The following COMMD10 variants were observed in gnomAD, a reference collection of about 807,000 sequenced individuals.
COMMD10 encodes the protein COMM domain containing 10.
COMMD10 carries 33 observed loss-of-function variants against 28.9 expected under a neutral mutation model. The observed-to-expected ratio is 1.14, with a 90% CI of 0.87 to 1.53. The LOEUF (loss-of-function observed/expected upper bound fraction) is 1.53, where lower values mean the gene tolerates loss of function less well. Among genes scored for constraint, COMMD10 ranks in the 40% most tolerant of loss-of-function variants. The pLI is 0.00. For synonymous variants in COMMD10, 110 were observed against 81.7 expected, an observed-to-expected ratio of 1.35 and a Z score of -1.87; for missense variants, 310 against 233.4, an observed-to-expected ratio of 1.33 and a Z score of -2.14.
intron 5 of COMMD10, among the ~76,000 whole-genome samples, chr5:116,225,902 C>T (rs1749383342): frequency 6.6e-6 from 1 of 151,716 alleles, no homozygotes; most frequent in African/African-American, 2.4e-5. Flanking sequence ...ATTTGTGTAG[C>T]TTGTGCTCTG....
chr5:116,154,052 T>G (rs533349655), intron 5 of COMMD10, among the ~76,000 whole-genome samples: 45 of 152,204 alleles, frequency 3.0e-4, no homozygotes, highest in African/African-American at 1.0e-3. Flanking sequence ...GAGATACTGA[T>G]TGACTTCATA....
At chr5:116,165,643 C>T (rs539667249) in intron 5 of COMMD10, among the ~76,000 whole-genome samples, 3 of 151,818 alleles carry the variant, frequency 2.0e-5, no homozygotes, top group African/African-American at 7.3e-5. Flanking sequence ...CACACACACG[C>T]GTGTGCACAG....
At chr5:116,190,815 A>G (rs1399701974) in intron 5 of COMMD10, among the ~76,000 whole-genome samples, 3 of 152,242 alleles carry the variant, frequency 2.0e-5, no homozygotes, top group East Asian at 3.8e-4. Flanking sequence ...ACTTTGAGAT[A>G]GCTACATGTT....
chr5:116,227,910 A>C (rs1225923592), intron 5 of COMMD10, among the ~76,000 whole-genome samples: 1 of 152,062 alleles, frequency 6.6e-6, no homozygotes. Context: ...ACTGCAGCTA[A>C]TTTTTTCACC....
chr5:116,188,016 T>C (rs910865901), intron 5 of COMMD10, among the ~76,000 whole-genome samples: 1 of 152,152 alleles, frequency 6.6e-6, no homozygotes, highest in Non-Finnish European at 1.5e-5. Context: ...ACAGGAATCT[T>C]TAAGGGTGAC....
intron 2 of COMMD10, 135 bp downstream of exon 2, chr5:116,087,722 G>C: frequency 1.6e-6 from 1 of 619,996 alleles, no homozygotes; most frequent in Non-Finnish European, 2.9e-6. Context: ...TGGAAGATTT[G>C]GTAATGTTTC....
At position 116,271,637 on chromosome 5, in the gene COMMD10, A is replaced by G. The variant is rs929174507; in HGVS notation, c.511-19880A>G. On this transcript the variant is annotated intron_variant, in intron 5 of 6. Transcript: ENST00000274458. Reference sequence around the variant, plus strand: ...GCATTAGTCATCTGTGCTGCTGAAAATAATGGTTTCACATTAGTCTGGACC... The same window carrying G: ...GCATTAGTCATCTGTGCTGCTGAAAGTAATGGTTTCACATTAGTCTGGACC... 4.6e-5 allele frequency among the ~76,000 whole-genome samples: 7 copies of G among 151,784 alleles called. 1 individual carries two copies. The highest frequency in any genetic ancestry group is 1.7e-4 in the African/African-American group (7 of 41,142).
intron 4 of COMMD10, among the ~76,000 whole-genome samples, chr5:116,114,612 T>C (rs1751167837): frequency 6.6e-6 from 1 of 152,164 alleles, no homozygotes; most frequent in Non-Finnish European, 1.5e-5. Flanking sequence ...TGGGTAAATC[T>C]GGATTGGGAA....
intron 5 of COMMD10, among the ~76,000 whole-genome samples, chr5:116,154,732 TTTTC>T (rs1752649722): frequency 6.6e-6 from 1 of 151,940 alleles, no homozygotes; most frequent in African/African-American, 2.4e-5. Context: ...CAGAACTTAC[TTTTC>T]TTTTTCTTTT....
chr5:116,180,154 A>G (rs1034385311), intron 5 of COMMD10, among the ~76,000 whole-genome samples: 5 of 152,102 alleles, frequency 3.3e-5, no homozygotes, highest in African/African-American at 1.2e-4. Flanking sequence ...AATTGATTAT[A>G]TCTGTTGTAT....
At chr5:116,272,133 C>G (rs1228169517) in intron 5 of COMMD10, among the ~76,000 whole-genome samples, 1 of 151,846 alleles carries the variant, frequency 6.6e-6, no homozygotes, top group Non-Finnish European at 1.5e-5. Flanking sequence ...AGACACTTTT[C>G]TAAGCGATAA....
intron 5 of COMMD10, among the ~76,000 whole-genome samples, chr5:116,285,808 C>A (rs12520568): frequency 2.6e-5 from 4 of 151,758 alleles, no homozygotes; most frequent in East Asian, 3.9e-4. Context: ...TCAATACTTA[C>A]GGATATTGGT....
At chr5:116,266,375 A>G (rs1750584586) in intron 5 of COMMD10, among the ~76,000 whole-genome samples, 1 of 151,778 alleles carries the variant, frequency 6.6e-6, no homozygotes, top group Non-Finnish European at 1.5e-5. Context: ...GTATATTTCA[A>G]TGGAAAGGAG....
At chr5:116,279,195 A>T (rs1346991294) in intron 5 of COMMD10, among the ~76,000 whole-genome samples, 1 of 151,804 alleles carries the variant, frequency 6.6e-6, no homozygotes, top group Non-Finnish European at 1.5e-5. Flanking sequence ...CTGGACATGC[A>T]GTGCATTAAG....
chr5:116,141,264 A>G (rs1178230057), intron 5 of COMMD10, among the ~76,000 whole-genome samples: 1 of 151,656 alleles, frequency 6.6e-6, no homozygotes, highest in Non-Finnish European at 1.5e-5. Context: ...TGGGCTCTCT[A>G]TAGTATTCCT....
Position 116,164,868 on chromosome 5 carries a change from C to G in COMMD10, c.510+30690C>G, listed in dbSNP as rs560452210. Among the ~76,000 whole-genome samples the G allele has an allele frequency of 7.9e-5, 12 of 152,112 alleles. No homozygotes were observed. The South Asian group carries it at 2.5e-3, about 32-fold the overall frequency. On this transcript the variant is annotated intron_variant, in intron 5 of 6. Coordinates refer to ENST00000274458, the MANE Select transcript of COMMD10 (RefSeq NM_016144.4). ...TTAATAAGCTATAATGTGCCCTTGG[C>G]AAGGAGGATGAAGAGGAGGTATAGC...
intron 4 of COMMD10, among the ~76,000 whole-genome samples, chr5:116,101,654 T>C (rs1385570050): frequency 6.6e-6 from 1 of 152,164 alleles, no homozygotes; most frequent in Non-Finnish European, 1.5e-5. Context: ...CTCGAACTCC[T>C]GACCTTGTGA....
intron 5 of COMMD10, among the ~76,000 whole-genome samples, chr5:116,147,077 T>TCC (rs2112545720): frequency 6.6e-6 from 1 of 151,834 alleles, no homozygotes; most frequent in South Asian, 2.1e-4. Context: ...ATGAGTCTGG[T>TCC]TTGGGTGTTT....
At chr5:116,256,107 G>A (rs1045496811) in intron 5 of COMMD10, among the ~76,000 whole-genome samples, 3 of 151,548 alleles carry the variant, frequency 2.0e-5, no homozygotes, top group South Asian at 2.1e-4. Context: ...AATATCCCAC[G>A]GGTGATAAGT....
Sources: allele counts gnomAD v4.1 joint callset (sites outside exome capture counted in the v4.1 genomes callset), GRCh38; gene constraint gnomAD v4.1.1; transcripts MANE v1.5; gene names NCBI Gene and HGNC (gene_info 2026-07-23, HGNC 2026-07-21).